Variants in ANKS1A observed in about 807,000 individuals in gnomAD.
ANKS1A encodes the protein ankyrin repeat and sterile alpha motif domain containing 1A, also known as ankyrin repeat and SAM domain-containing protein 1A.
Under a neutral mutation model 120.3 loss-of-function variants are expected in ANKS1A, and 55 were observed. That is an observed-to-expected ratio of 0.46 (90% CI 0.37 to 0.57). The LOEUF (loss-of-function observed/expected upper bound fraction) is 0.57, where lower values mean the gene tolerates loss of function less well. Among genes scored for constraint, ANKS1A ranks in the 20% least tolerant of loss-of-function variants. The probability of loss-of-function intolerance (pLI) is 0.00; values close to 1 mark genes in which losing one functional copy is unlikely to be tolerated. For missense variants in ANKS1A, 1,123 were observed against 1,480.3 expected, an observed-to-expected ratio of 0.76 and a Z score of 3.96; for synonymous variants, 590 against 604.7, an observed-to-expected ratio of 0.98 and a Z score of 0.36.
At chr6:34,925,085 T>A (rs866025586) in intron 1 of ANKS1A, among the ~76,000 whole-genome samples, 10 of 152,216 alleles carry the variant, frequency 6.6e-5, no homozygotes, top group African/African-American at 2.4e-4. Flanking sequence ...TTATATTTCT[T>A]CCTTGAATTA....
At position 34,983,322 on chromosome 6, in the gene ANKS1A, A is replaced by G; in HGVS notation, c.911-2A>G. ...TTTTTATTTTTTGATCTTTCCATGT[A>G]GATCACATGACTGGAAAAAGAAGTA... On this transcript the variant is annotated splice_acceptor_variant, in intron 6 of 23. Coordinates refer to ENST00000360359, the MANE Select transcript of ANKS1A (RefSeq NM_015245.3). LOFTEE classifies it high-confidence loss of function. 6.2e-7 allele frequency: 1 copy of G among 1,613,778 alleles called. No homozygotes were observed. The highest frequency in any genetic ancestry group is 1.3e-5 in the African/African-American group (1 of 75,008).
intron 10 of ANKS1A, among the ~76,000 whole-genome samples, chr6:35,016,778 AAAAAG>A (rs1410265641): frequency 1.8e-5 from 2 of 110,246 alleles, no homozygotes; most frequent in African/African-American, 2.6e-5. Flanking sequence ...AAAAAAAAAA[AAAAAG>A]AGAGAGAGAA....
chr6:34,991,535 A>AAT (rs1219856069), intron 9 of ANKS1A, among the ~76,000 whole-genome samples: 1 of 112,834 alleles, frequency 8.9e-6, no homozygotes, highest in South Asian at 2.9e-4. Context: ...GGAAAAAAAA[A>AAT]ATATATACAC....
intron 3 of ANKS1A, among the ~76,000 whole-genome samples, chr6:34,978,289 A>G (rs1200715112): frequency 1.3e-5 from 2 of 152,144 alleles, no homozygotes; most frequent in Non-Finnish European, 2.9e-5. Context: ...GGAATGGAGA[A>G]TTTGTGCAAA....
chr6:35,002,517 T>C (rs1773226560), intron 10 of ANKS1A, among the ~76,000 whole-genome samples: 1 of 152,208 alleles, frequency 6.6e-6, no homozygotes, highest in Admixed American at 6.5e-5. Context: ...GGACAAAAGA[T>C]AGCTACAGTC....
rs367645695 is a variant in ANKS1A at position 35,083,143 on chromosome 6, T to C, written c.2836-12T>C. ...AGGATTTCCTAAGCCTGGCCACTGC[T>C]CGCCCCCACAGTATCTGGGCTCCAT... is the stretch of plus-strand genomic sequence containing the variant. On this transcript the variant is annotated splice_polypyrimidine_tract_variant and intron_variant, in intron 18 of 23. Coordinates refer to ENST00000360359, the MANE Select transcript of ANKS1A (RefSeq NM_015245.3). 6.3e-5 allele frequency: 102 copies of C among 1,613,514 alleles called. No homozygotes were observed. Among genetic ancestry groups the C allele is most frequent in the Non-Finnish European group, 8.1e-5 (95 of 1,179,646 alleles).
At chr6:34,973,896 T>C (rs1372703121) in intron 3 of ANKS1A, among the ~76,000 whole-genome samples, 2 of 49,516 alleles carry the variant, frequency 4.0e-5, no homozygotes, top group Non-Finnish European at 3.8e-5. Context: ...CACTTCCCCT[T>C]CCCTTCCCCT....
chr6:34,932,642 C>T (rs927498642), intron 1 of ANKS1A, among the ~76,000 whole-genome samples: 4 of 152,218 alleles, frequency 2.6e-5, no homozygotes, highest in Non-Finnish European at 5.9e-5. Context: ...GTCTCAACCT[C>T]CCAAAGTGCT....
At chr6:35,039,793 T>C (rs1305048438) in intron 11 of ANKS1A, 1 of 324,008 alleles carries the variant, frequency 3.1e-6, no homozygotes, top group Non-Finnish European at 6.1e-6. Flanking sequence ...AGTCATGTAT[T>C]AGGAAGCTCA....
chr6:34,926,206 C>T (rs2504165), intron 1 of ANKS1A, among the ~76,000 whole-genome samples: 13,073 of 152,170 alleles, frequency 0.086, 1,210 homozygotes, highest in African/African-American at 0.23. Context: ...TATGGGTGTG[C>T]CACCGTGCAG....
At chr6:34,998,926 T>C (rs1773001111) in intron 10 of ANKS1A, among the ~76,000 whole-genome samples, 1 of 152,216 alleles carries the variant, frequency 6.6e-6, no homozygotes, top group Non-Finnish European at 1.5e-5. Context: ...GGAACATCCC[T>C]GCGGGGGACT....
At chr6:34,893,038 G>C (rs1162226545) in intron 1 of ANKS1A, among the ~76,000 whole-genome samples, 1 of 152,134 alleles carries the variant, frequency 6.6e-6, no homozygotes, top group Admixed American at 6.5e-5. Flanking sequence ...TTTTGTGTCA[G>C]ACTTCCTGGA....
chr6:34,931,637 A>G (rs1768985159), intron 1 of ANKS1A, among the ~76,000 whole-genome samples: 2 of 152,208 alleles, frequency 1.3e-5, no homozygotes, highest in South Asian at 4.1e-4. Flanking sequence ...AGGAGACTCA[A>G]AATGGTTAGA....
intron 1 of ANKS1A, among the ~76,000 whole-genome samples, chr6:34,905,990 A>G (rs905097766): frequency 6.6e-6 from 1 of 152,104 alleles, no homozygotes; most frequent in Non-Finnish European, 1.5e-5. Flanking sequence ...GTCTCCAGGA[A>G]CTTTTCTCTC....
intron 1 of ANKS1A, among the ~76,000 whole-genome samples, chr6:34,938,597 TTTTA>T (rs1769372735): frequency 6.6e-6 from 1 of 152,256 alleles, no homozygotes; most frequent in Non-Finnish European, 1.5e-5. Flanking sequence ...TTTACTTAAG[TTTTA>T]TTTGTTTTCT....
intron 10 of ANKS1A, among the ~76,000 whole-genome samples, chr6:35,016,654 C>T (rs570824126): frequency 1.4e-4 from 22 of 152,048 alleles, no homozygotes; most frequent in Non-Finnish European, 2.8e-4. Flanking sequence ...GCAAATGTCT[C>T]CTGGCATTGA....
At chr6:35,064,287 A>G (rs570923113) in intron 13 of ANKS1A, among the ~76,000 whole-genome samples, 37 of 152,284 alleles carry the variant, frequency 2.4e-4, no homozygotes, top group African/African-American at 8.4e-4. Flanking sequence ...CAAATGGAAG[A>G]TGGAAATGAG....
In ANKS1A at chr6:35,050,967, C is replaced by T. The variant is rs1205697403; in HGVS notation, c.2011-3132C>T. On this transcript the variant is annotated intron_variant, in intron 11 of 23. Coordinates refer to ENST00000360359, the MANE Select transcript of ANKS1A (RefSeq NM_015245.3). The surrounding 1 kb of genome is among the most constrained non-coding windows in gnomAD (Gnocchi z 4.3). ...GTTCACAGAACAATAGAACAACTTCCTAGCCTGGGCAAAATCGTCCTGAGA... is the reference window on the plus strand; with the variant it reads ...GTTCACAGAACAATAGAACAACTTCTTAGCCTGGGCAAAATCGTCCTGAGA... Among the ~76,000 whole-genome samples the T allele has an allele frequency of 1.3e-5, 2 of 152,134 alleles. No homozygotes were observed. The highest frequency in any genetic ancestry group is 4.8e-5 in the African/African-American group (2 of 41,446).
chr6:35,080,944 G>C (rs117233698), intron 16 of ANKS1A, 50 bp from the exon 17 acceptor site: 2 of 1,584,798 alleles, frequency 1.3e-6, no homozygotes, highest in Non-Finnish European at 1.7e-6. Flanking sequence ...ACCTGTAGTC[G>C]GGCACTGGGC....
Sources: gnomAD v4.1 joint callset for allele counts (sites outside exome capture counted in the v4.1 genomes callset) on GRCh38, gnomAD v4.1.1 for gene constraint, Gnocchi (gnomAD v3.1) non-coding constraint, MANE v1.5 for transcripts, NCBI Gene and HGNC (gene_info 2026-07-23, HGNC 2026-07-21) for gene names.